Variants in PRDM16 observed in about 807,000 individuals in gnomAD.
The protein encoded by PRDM16 is PR/SET domain 16.
Under a neutral mutation model 110.6 loss-of-function variants are expected in PRDM16, and 23 were observed. The ratio of observed to expected loss-of-function variants is 0.21; its 90% CI spans 0.15 to 0.29. PRDM16 has a LOEUF of 0.29. PRDM16 is among the 10% of genes least tolerant of loss of function. The pLI, the probability that PRDM16 is intolerant of heterozygous loss-of-function variation, is 1.00. For missense variants in PRDM16, 1,615 were observed against 1,794.3 expected, an observed-to-expected ratio of 0.90 and a Z score of 1.81; for synonymous variants, 799 against 781.8, an observed-to-expected ratio of 1.02 and a Z score of -0.37.
chr1:3,353,192 C>T lies in PRDM16; in HGVS notation c.439-31960C>T, dbSNP rs1260180555. On this transcript the variant is annotated intron_variant, in intron 3 of 16. Coordinates refer to ENST00000270722, the MANE Select transcript of PRDM16 (RefSeq NM_022114.4). The surrounding 1 kb of genome is among the most constrained non-coding windows in gnomAD (Gnocchi z 5.4). ...GCTGCTTCCTCCTGACCAATGCCCT[C>T]CTGTAGTAAAAGTTAACCGGGTGTG... Among the ~76,000 whole-genome samples, 3 of 152,352 alleles carry T rather than the reference C, an allele frequency of 2.0e-5. No individual in the cohort carries two copies. Among genetic ancestry groups the T allele is most frequent in the African/African-American group, 4.8e-5 (2 of 41,580 alleles).
chr1:3,078,044 CCT>C (rs1641938727), intron 1 of PRDM16, among the ~76,000 whole-genome samples: 1 of 152,212 alleles, frequency 6.6e-6, no homozygotes, highest in Non-Finnish European at 1.5e-5. Flanking sequence ...TCTGTCCTTG[CCT>C]CTGTCCTGGG....
chr1:3,096,075 C>T (rs1308763493), intron 1 of PRDM16, among the ~76,000 whole-genome samples: 1 of 152,140 alleles, frequency 6.6e-6, no homozygotes, highest in Non-Finnish European at 1.5e-5. Flanking sequence ...GCCTGTCACC[C>T]CTGGGGCCCT....
intron 2 of PRDM16, among the ~76,000 whole-genome samples, chr1:3,236,665 C>A (rs776487700): frequency 4.7e-4 from 71 of 152,206 alleles, no homozygotes; most frequent in Non-Finnish European, 4.9e-4. Context: ...CCTCGGTGTG[C>A]ACCACCTACT....
intron 3 of PRDM16, among the ~76,000 whole-genome samples, chr1:3,377,328 A>G (rs1037174702): frequency 1.3e-5 from 2 of 152,296 alleles, no homozygotes; most frequent in Middle Eastern, 3.4e-3. Flanking sequence ...CCACTAGGCA[A>G]GCTGATGATG....
chr1:3,398,368 T>C (rs1643417871), intron 5 of PRDM16, among the ~76,000 whole-genome samples: 1 of 152,234 alleles, frequency 6.6e-6, no homozygotes, highest in Non-Finnish European at 1.5e-5. Context: ...TATTTGACTT[T>C]CCCTACTCTT....
intron 3 of PRDM16, among the ~76,000 whole-genome samples, chr1:3,318,810 C>T (rs1641673391): frequency 6.6e-6 from 1 of 152,166 alleles, no homozygotes; most frequent in Non-Finnish European, 1.5e-5. Context: ...GGGCTTTTCC[C>T]CCTGCCTATT....
chr1:3,422,518 G>A (rs918333803), intron 12 of PRDM16, among the ~76,000 whole-genome samples: 5 of 152,252 alleles, frequency 3.3e-5, no homozygotes, highest in Admixed American at 2.0e-4. Context: ...GGCTGGAGAC[G>A]CAGAGTCCAG....
At chr1:3,112,817 G>A (rs1642827461) in intron 1 of PRDM16, among the ~76,000 whole-genome samples, 1 of 152,258 alleles carries the variant, frequency 6.6e-6, no homozygotes, top group Admixed American at 6.5e-5. Context: ...GTCGCTCAGG[G>A]AGGCAAAGGG....
At position 3,412,093 on chromosome 1, in the gene PRDM16, C is replaced by T; in HGVS notation, c.1896C>T (p.Asp632=). ...ACCTGGACAGCGACGTGGACAGCGA[C>T]CCTGACAAGGACAAGGGCAAGGGCA... is the stretch of plus-strand genomic sequence containing the variant. The part of the protein sequence containing the change: ...GSDLDSDVDS[D]PDKDKGKGKS... The change falls in exon 9 of 17, where the codon GAC becomes GAT. Residue 632 remains aspartate, a synonymous_variant. Transcript: ENST00000270722. The T allele has an allele frequency of 6.3e-7, 1 of 1,589,494 alleles. No individual in the cohort carries two copies. The highest frequency in any genetic ancestry group is 8.6e-7 in the Non-Finnish European group (1 of 1,166,182).
chr1:3,324,340 C>A (rs1393128138), intron 3 of PRDM16, among the ~76,000 whole-genome samples: 2 of 152,162 alleles, frequency 1.3e-5, no homozygotes, highest in Non-Finnish European at 2.9e-5. Context: ...CCCTGCCCCG[C>A]CTGCCAGTCC....
At position 3,367,589 on chromosome 1, in the gene PRDM16, A is replaced by T. The variant is rs576005118; in HGVS notation, c.439-17563A>T. ...AACAGCTCTCAAAAGTGCCGGGCTC[A>T]AGCGTCCATTGTCCAAAAACACGTG... On this transcript the variant is annotated intron_variant, in intron 3 of 16. Coordinates refer to ENST00000270722, the MANE Select transcript of PRDM16 (RefSeq NM_022114.4). Among the ~76,000 whole-genome samples, 5 of 152,182 alleles carry T rather than the reference A, an allele frequency of 3.3e-5. No individual in the cohort carries two copies. In the South Asian group the frequency reaches 8.3e-4, roughly 25 times the overall value.
At chr1:3,226,819 G>A (rs577816947) in intron 2 of PRDM16, among the ~76,000 whole-genome samples, 7 of 152,272 alleles carry the variant, frequency 4.6e-5, no homozygotes, top group South Asian at 4.2e-4. Context: ...GAATGAGAAC[G>A]GTGTCGGCTA....
chr1:3,267,082 G>T (rs1411032564), intron 3 of PRDM16, among the ~76,000 whole-genome samples: 1 of 152,170 alleles, frequency 6.6e-6, no homozygotes, highest in East Asian at 1.9e-4. Flanking sequence ...GCAGTATCTA[G>T]TACATTCGGT....
At chr1:3,181,977 T>C (rs1345015504) in intron 1 of PRDM16, among the ~76,000 whole-genome samples, 1 of 151,964 alleles carries the variant, frequency 6.6e-6, no homozygotes, top group East Asian at 1.9e-4. Flanking sequence ...ACACATGCAG[T>C]CACATGCTTA....
chr1:3,356,261 C>A (rs946759), intron 3 of PRDM16, among the ~76,000 whole-genome samples: 138,662 of 151,570 alleles, frequency 0.91, 63,457 homozygotes, highest in East Asian at 1. Context: ...TGTTCCAAAG[C>A]CCCCCCCAGC....
At chr1:3,285,040 C>T (rs1032671287) in intron 3 of PRDM16, among the ~76,000 whole-genome samples, 3 of 152,226 alleles carry the variant, frequency 2.0e-5, no homozygotes, top group Non-Finnish European at 4.4e-5. Context: ...AACGCTTCAC[C>T]TGGTGCCCTG....
intron 2 of PRDM16, among the ~76,000 whole-genome samples, chr1:3,235,511 C>A (rs1639519251): frequency 6.6e-6 from 1 of 152,172 alleles, no homozygotes; most frequent in Non-Finnish European, 1.5e-5. Context: ...GGGACAGGGG[C>A]CTGCAGAGAT....
chr1:3,347,358 A>G (rs1400213335), intron 3 of PRDM16, among the ~76,000 whole-genome samples: 10 of 152,234 alleles, frequency 6.6e-5, no homozygotes, highest in African/African-American at 2.4e-4. Context: ...TGCTGGCCAC[A>G]GCCACTGGCT....
At chr1:3,431,676 A>AT (rs1638772984) in intron 15 of PRDM16, among the ~76,000 whole-genome samples, 1 of 152,164 alleles carries the variant, frequency 6.6e-6, no homozygotes, top group Non-Finnish European at 1.5e-5. Flanking sequence ...GTCTTAGAGA[A>AT]TTGAAGCCTT....
Sources: gnomAD v4.1 joint callset for allele counts (sites outside exome capture counted in the v4.1 genomes callset) on GRCh38, gnomAD v4.1.1 for gene constraint, Gnocchi (gnomAD v3.1) non-coding constraint, MANE v1.5 for transcripts, NCBI Gene and HGNC (gene_info 2026-07-23, HGNC 2026-07-21) for gene names.